IBSP: variants seen among roughly 807,000 people sequenced by gnomAD.
The protein encoded by IBSP is integrin-binding sialoprotein.
Under a neutral mutation model 25.5 loss-of-function variants are expected in IBSP, and 19 were observed. The ratio of observed to expected loss-of-function variants is 0.74; its 90% CI spans 0.52 to 1.09. The LOEUF is 1.09. IBSP is among the 50% of genes least tolerant of loss of function. The pLI, the probability that IBSP is intolerant of heterozygous loss-of-function variation, is 0.00. For synonymous variants in IBSP, 144 were observed against 137.6 expected, an observed-to-expected ratio of 1.05 and a Z score of -0.33; for missense variants, 360 against 382.3, an observed-to-expected ratio of 0.94 and a Z score of 0.49.
chr4:87,803,588 T>G (rs1015297306), intron 4 of IBSP, among the ~76,000 whole-genome samples: 1 of 152,154 alleles, frequency 6.6e-6, no homozygotes, highest in Non-Finnish European at 1.5e-5. Flanking sequence ...CTAAAAGCAG[T>G]CAGGATGCTG....
intron 2 of IBSP, 35 bp downstream of exon 2, chr4:87,802,450 G>T: frequency 1.3e-6 from 2 of 1,597,632 alleles, no homozygotes; most frequent in Non-Finnish European, 1.7e-6. Context: ...GTTATTTTCA[G>T]TTTTGTCTTT....
At chr4:87,809,236 T>C (rs1382902478) in intron 5 of IBSP, among the ~76,000 whole-genome samples, 2 of 152,212 alleles carry the variant, frequency 1.3e-5, no homozygotes, top group African/African-American at 4.8e-5. Flanking sequence ...CCTATTTTCC[T>C]ATGTAACTCA....
chr4:87,808,446 G>A (rs935115818), intron 5 of IBSP, among the ~76,000 whole-genome samples: 1 of 152,158 alleles, frequency 6.6e-6, no homozygotes, highest in Non-Finnish European at 1.5e-5. Flanking sequence ...CTCCCAAAGT[G>A]CTGGGATTAC....
chr4:87,810,546 G>A (rs1722156052), intron 5 of IBSP, 60 bp from the exon 6 acceptor site: 1 of 1,323,178 alleles, frequency 7.6e-7, no homozygotes, highest in South Asian at 1.2e-5. Flanking sequence ...CACAGCTCCA[G>A]TAAATCTTGA....
At chr4:87,801,385 G>A (rs540195303) in intron 1 of IBSP, among the ~76,000 whole-genome samples, 3 of 151,898 alleles carry the variant, frequency 2.0e-5, no homozygotes, top group South Asian at 2.1e-4. Context: ...CATCCTTAGC[G>A]GAGTTGCTGT....
chr4:87,804,137 G>A (rs1578042932), intron 4 of IBSP, among the ~76,000 whole-genome samples: 2 of 152,128 alleles, frequency 1.3e-5, no homozygotes, highest in East Asian at 3.8e-4. Flanking sequence ...TGTAGAACTT[G>A]TAAGATAATT....
At chr4:87,801,875 G>T (rs896559016) in intron 1 of IBSP, among the ~76,000 whole-genome samples, 1 of 152,030 alleles carries the variant, frequency 6.6e-6, no homozygotes, top group African/African-American at 2.4e-5. Context: ...GGACTCAAGC[G>T]ATCTGCCCAC....
At chr4:87,809,161 A>G (rs2082212447) in intron 5 of IBSP, among the ~76,000 whole-genome samples, 1 of 152,180 alleles carries the variant, frequency 6.6e-6, no homozygotes, top group Non-Finnish European at 1.5e-5. Context: ...TATCTTTGTA[A>G]GCGCAAATTA....
At chr4:87,806,357 C>A (rs777307284) in intron 5 of IBSP, among the ~76,000 whole-genome samples, 173 bp downstream of exon 5, 1 of 152,244 alleles carries the variant, frequency 6.6e-6, no homozygotes, top group South Asian at 2.1e-4. Context: ...ACTAACATGA[C>A]CTGTTTAAAA....
intron 4 of IBSP, among the ~76,000 whole-genome samples, chr4:87,803,862 T>C (rs1054332782): frequency 6.6e-6 from 1 of 152,202 alleles, no homozygotes. Flanking sequence ...GTTCTCTTTT[T>C]TAAACTAAAT....
chr4:87,802,779 T>A lies in IBSP; in HGVS notation c.183+48T>A, dbSNP rs370650709. The A allele has an allele frequency of 2.0e-4, 250 of 1,245,640 alleles. No homozygotes were observed. In the African/African-American group the frequency reaches 3.3e-3, roughly 17 times the overall value. The allele number at this position is 1,245,640 out of a possible 1,614,324, so 77.2% of individuals were successfully genotyped here. ...CTTCAGTTTAATTTCTATTATAATTTAAAGGAGATCAAATTTTAACTATAA... is the reference window on the plus strand; with the variant it reads ...CTTCAGTTTAATTTCTATTATAATTAAAAGGAGATCAAATTTTAACTATAA... On this transcript the variant is annotated intron_variant, in intron 4 of 6. Coordinates refer to ENST00000226284, the MANE Select transcript of IBSP (RefSeq NM_004967.4).
rs1222510068 is a variant in IBSP at position 87,811,446 on chromosome 4, G to C, written c.490G>C (p.Glu164Gln). The C allele has an allele frequency of 1.2e-5, 20 of 1,613,672 alleles. No individual in the cohort carries two copies. Among genetic ancestry groups the C allele is most frequent in the Non-Finnish European group, 1.6e-5 (19 of 1,179,866 alleles). Residue 164 changes from glutamate to glutamine, a missense_variant, in exon 7 of 7, where the codon GAA (glutamate) becomes CAA (glutamine). Physicochemically the swap from Glu to Gln is conservative, Grantham distance 29. Coordinates refer to ENST00000226284, the MANE Select transcript of IBSP (RefSeq NM_004967.4). Reference protein sequence around the residue: ...EEEEEGNENEESEAEVDENEQ... With the variant: ...EEEEEGNENEQSEAEVDENEQ... ...GGAAGAGGAAGGAAATGAAAACGAA[G>C]AAAGCGAAGCAGAAGTGGATGAAAA...
In IBSP at chr4:87,811,384, C is replaced by T. The variant is rs765514286; in HGVS notation, c.428C>T (p.Ala143Val). The change falls in exon 7 of 7, where the codon GCT becomes GTT. Residue 143 changes from alanine (A) to valine (V), a missense_variant. By Grantham distance (64) the Ala-to-Val change is moderately conservative. Coordinates refer to ENST00000226284, the MANE Select transcript of IBSP (RefSeq NM_004967.4). ...CAGGCTGGGGATATAACAAATAAAG[C>T]TACAAAAGAGAAGGAAAGTGATGAA... ...PKKAGDITNK[A>V]TKEKESDEEE... 2 of 1,610,508 alleles carry T rather than the reference C, an allele frequency of 1.2e-6. No homozygotes were observed. Among genetic ancestry groups the T allele is most frequent in the South Asian group, 2.2e-5 (2 of 90,576 alleles).
intron 1 of IBSP, among the ~76,000 whole-genome samples, chr4:87,801,300 C>G (rs1264328018): frequency 7.9e-5 from 12 of 152,060 alleles, no homozygotes; most frequent in Admixed American, 7.9e-4. Flanking sequence ...TTAAATGGAG[C>G]TGGAGAGCAA....
chr4:87,802,128 T>C (rs1005480965), intron 1 of IBSP, among the ~76,000 whole-genome samples: 6 of 152,178 alleles, frequency 3.9e-5, no homozygotes, highest in African/African-American at 7.2e-5. Context: ...AAACCAAGTA[T>C]GGAACTCAAG....
At chr4:87,808,372 G>A (rs1017153830) in intron 5 of IBSP, among the ~76,000 whole-genome samples, 2 of 151,946 alleles carry the variant, frequency 1.3e-5, no homozygotes, top group Non-Finnish European at 2.9e-5. Flanking sequence ...TAGTAGAGAT[G>A]GGGTTTCACC....
intron 1 of IBSP, among the ~76,000 whole-genome samples, chr4:87,801,481 TACACAC>T (rs34524230): frequency 0.2 from 26,985 of 132,276 alleles, 2,580 homozygotes; most frequent in Middle Eastern, 0.3. Context: ...CACCCACCCA[TACACAC>T]ACACACACAC....
At chr4:87,807,884 A>G (rs562234264) in intron 5 of IBSP, among the ~76,000 whole-genome samples, 1 of 152,336 alleles carries the variant, frequency 6.6e-6, no homozygotes, top group Non-Finnish European at 1.5e-5. Flanking sequence ...TTATACATAT[A>G]TGGTGCCCAG....
At position 87,811,450 on chromosome 4, in the gene IBSP, G is replaced by A; in HGVS notation, c.494G>A (p.Ser165Asn). 1 of 1,613,860 alleles carries A rather than the reference G, an allele frequency of 6.2e-7. No homozygotes were observed. The highest frequency in any genetic ancestry group is 1.1e-5 in the South Asian group (1 of 91,054). ...GAGGAAGGAAATGAAAACGAAGAAA[G>A]CGAAGCAGAAGTGGATGAAAACGAA... ...EEEEGNENEE[S>N]EAEVDENEQG... is the part of the protein sequence containing the mutation. The change falls in exon 7 of 7, where the codon AGC becomes AAC. Residue 165 changes from serine (S) to asparagine (N), a missense_variant. Physicochemically the swap from Ser to Asn is conservative, Grantham distance 46 (BLOSUM62 1). Transcript: ENST00000226284.
Sources: gnomAD v4.1 joint callset for allele counts (sites outside exome capture counted in the v4.1 genomes callset) on GRCh38, gnomAD v4.1.1 for gene constraint, MANE v1.5 for transcripts, NCBI Gene and HGNC (gene_info 2026-07-23, HGNC 2026-07-21) for gene names.